The following RCL1 variants were observed in gnomAD, a reference collection of about 807,000 sequenced individuals.
The protein encoded by RCL1 is RNA terminal phosphate cyclase like 1, also known as RNA 3'-terminal phosphate cyclase-like protein.
Under a neutral mutation model 42.4 loss-of-function variants are expected in RCL1, and 24 were observed. The ratio of observed to expected loss-of-function variants is 0.57; its 90% CI spans 0.41 to 0.80. The LOEUF (loss-of-function observed/expected upper bound fraction) is 0.80. Ranked by LOEUF, RCL1 falls within the 30% of genes least tolerant of loss-of-function variation. RCL1 has a pLI of 0.00. For synonymous variants in RCL1, 228 were observed against 177.3 expected (o/e 1.29, Z -2.27); for missense variants, 578 against 467.9 (o/e 1.24, Z -2.17).
intron 1 of RCL1, among the ~76,000 whole-genome samples, chr9:4,813,219 C>G (rs1034774172): frequency 1.2e-4 from 18 of 152,178 alleles, no homozygotes; most frequent in African/African-American, 3.9e-4. Context: ...TTCTGCACAG[C>G]AAAAGAAACT....
chr9:4,811,154 C>T (rs1325308590), intron 1 of RCL1, among the ~76,000 whole-genome samples: 2 of 151,822 alleles, frequency 1.3e-5, no homozygotes, highest in Admixed American at 6.6e-5. Flanking sequence ...TGGTGGTGCA[C>T]ACCTATTGTC....
chr9:4,797,506 T>C (rs1351130357), intron 1 of RCL1, among the ~76,000 whole-genome samples: 3 of 152,166 alleles, frequency 2.0e-5, no homozygotes, highest in Admixed American at 1.3e-4. Flanking sequence ...TTTGGGAGCA[T>C]TTGGAGACAT....
intron 1 of RCL1, among the ~76,000 whole-genome samples, chr9:4,814,793 T>C (rs773238350): frequency 1.3e-5 from 2 of 152,206 alleles, no homozygotes; most frequent in African/African-American, 2.4e-5. Context: ...CTTGAGCATT[T>C]CTTGTAAGGC....
intron 8 of RCL1, among the ~76,000 whole-genome samples, chr9:4,857,481 A>G (rs1195166612): frequency 6.6e-6 from 1 of 152,072 alleles, no homozygotes; most frequent in Non-Finnish European, 1.5e-5. Context: ...CTTCCATTGA[A>G]TGGATATACC....
intron 5 of RCL1, among the ~76,000 whole-genome samples, chr9:4,837,877 A>T (rs536918558): frequency 2.0e-5 from 3 of 152,106 alleles, no homozygotes; most frequent in African/African-American, 7.2e-5. Flanking sequence ...ATCATCCCCA[A>T]TATATCTCTG....
At chr9:4,817,612 C>G (rs920491614) in intron 1 of RCL1, among the ~76,000 whole-genome samples, 2 of 151,808 alleles carry the variant, frequency 1.3e-5, no homozygotes, top group East Asian at 3.9e-4. Flanking sequence ...AACCCTGCCC[C>G]CCTGAGTAGC....
rs758660795 is a variant in RCL1, at chr9:4,849,493, T to C, written c.914T>C (p.Met305Thr). Residue 305 changes from methionine (M) to threonine (T), a missense_variant, in exon 8 of 9, where the codon ATG (methionine) becomes ACG (threonine). Coordinates refer to ENST00000381750, the MANE Select transcript of RCL1 (RefSeq NM_005772.5). Reference protein sequence around the residue: ...STNQSLALLLMTLGQQDVSKV... With the variant: ...STNQSLALLLTTLGQQDVSKV... ...AACCAAAGCCTGGCGCTACTACTCA[T>C]GACCCTTGGACAGCAGGATGTTTCC... 27 of 1,614,088 alleles carry C rather than the reference T, an allele frequency of 1.7e-5. No homozygotes were observed. In the East Asian group the frequency reaches 5.8e-4, roughly 35 times the overall value.
At chr9:4,818,371 T>C (rs1218154323) in intron 1 of RCL1, among the ~76,000 whole-genome samples, 3 of 152,242 alleles carry the variant, frequency 2.0e-5, no homozygotes, top group African/African-American at 4.8e-5. Context: ...TTTGGTTCTT[T>C]ACATTAAAAT....
intron 1 of RCL1, among the ~76,000 whole-genome samples, chr9:4,796,115 G>T (rs1376982543): frequency 6.6e-6 from 1 of 152,094 alleles, no homozygotes; most frequent in Non-Finnish European, 1.5e-5. Flanking sequence ...AGAGTCGGGG[G>T]TACATGTGCA....
intron 1 of RCL1, among the ~76,000 whole-genome samples, chr9:4,813,739 G>A (rs938957723): frequency 2.6e-5 from 4 of 152,184 alleles, no homozygotes; most frequent in Non-Finnish European, 2.9e-5. Context: ...ACACGCACAC[G>A]TATGTTTATT....
intron 8 of RCL1, among the ~76,000 whole-genome samples, chr9:4,856,265 T>C (rs1171518804): frequency 3.3e-5 from 5 of 152,284 alleles, no homozygotes; most frequent in African/African-American, 1.2e-4. Context: ...ACAACAGAAA[T>C]TTAATTGGTT....
intron 1 of RCL1, among the ~76,000 whole-genome samples, chr9:4,818,637 C>A (rs888724447): frequency 6.6e-6 from 1 of 152,094 alleles, no homozygotes; most frequent in Non-Finnish European, 1.5e-5. Flanking sequence ...AATCCCAGCA[C>A]TTTGGGAGGC....
intron 1 of RCL1, chr9:4,804,445 G>A (rs1301642847): frequency 6.6e-6 from 1 of 152,336 alleles, no homozygotes. Flanking sequence ...TCGTTCCCAG[G>A]GGCACTCCTT....
chr9:4,793,060 G>A lies in RCL1; in HGVS notation c.-32G>A. The A allele has an allele frequency of 1.3e-6, 2 of 1,595,486 alleles. No homozygotes were observed. The highest frequency in any genetic ancestry group is 1.7e-6 in the Non-Finnish European group (2 of 1,170,944). Reference sequence around the variant, plus strand: ...GCGTCTGTCCGAAGTCGCCGCTCTCGGGCTGCTCACGTCTCTTCGGAGAGC... The same window carrying A: ...GCGTCTGTCCGAAGTCGCCGCTCTCAGGCTGCTCACGTCTCTTCGGAGAGC... On this transcript the variant is annotated 5_prime_UTR_variant, in exon 1 of 9. Transcript: ENST00000381750.
At chr9:4,801,718 CTTTTTT>C (rs57255135) in intron 1 of RCL1, among the ~76,000 whole-genome samples, 1 of 111,466 alleles carries the variant, frequency 9.0e-6, no homozygotes, top group Non-Finnish European at 2.0e-5. Context: ...GGTTGCGATT[CTTTTTT>C]TTTTTTTTTT....
rs567300915 is a variant in RCL1 at position 4,828,470 on chromosome 9, T to C, written c.384+1437T>C. Among the ~76,000 whole-genome samples, 563 of 152,152 alleles carry C rather than the reference T, an allele frequency of 3.7e-3. 5 individuals are homozygous for C. The highest frequency in any genetic ancestry group is 0.013 in the African/African-American group (531 of 41,556). ...GCATAAACTCTTTTCCCTGGGATAC[T>C]GAGTATAGTACAAGATCTGAAATTC... On this transcript the variant is annotated intron_variant, in intron 3 of 8. Coordinates refer to ENST00000381750, the MANE Select transcript of RCL1 (RefSeq NM_005772.5).
intron 1 of RCL1, 112 bp downstream of exon 1, chr9:4,793,339 C>T (rs749986247): frequency 1.7e-5 from 20 of 1,181,908 alleles, no homozygotes; most frequent in Non-Finnish European, 2.1e-5. Context: ...CCGGCGAGCG[C>T]GTCGGGGAGG....
At chr9:4,858,123 G>C (rs1818026465) in intron 8 of RCL1, among the ~76,000 whole-genome samples, 1 of 151,954 alleles carries the variant, frequency 6.6e-6, no homozygotes, top group Non-Finnish European at 1.5e-5. Flanking sequence ...CAATTTGCCT[G>C]CCTTGGCCTC....
intron 1 of RCL1, among the ~76,000 whole-genome samples, chr9:4,823,107 C>G (rs764183781): frequency 1.1e-4 from 17 of 152,046 alleles, no homozygotes; most frequent in Non-Finnish European, 1.6e-4. Context: ...GGGTGGTCCT[C>G]AATTTAATCT....
Sources: gnomAD v4.1 joint callset for allele counts (sites outside exome capture counted in the v4.1 genomes callset) on GRCh38, gnomAD v4.1.1 for gene constraint, MANE v1.5 for transcripts, NCBI Gene and HGNC (gene_info 2026-07-23, HGNC 2026-07-21) for gene names.